CACNA2D1: variants seen among roughly 807,000 people sequenced by gnomAD.
The protein encoded by CACNA2D1 is voltage-dependent calcium channel subunit alpha-2/delta-1.
CACNA2D1 carries 53 observed loss-of-function variants against 171.5 expected under a neutral mutation model. The ratio of observed to expected loss-of-function variants is 0.31; its 90% CI spans 0.25 to 0.39. CACNA2D1 has a LOEUF of 0.39. Among genes scored for constraint, CACNA2D1 ranks in the 10% least tolerant of loss-of-function variants. CACNA2D1 has a pLI of 1.00. For synonymous variants in CACNA2D1, 442 were observed against 443.1 expected (o/e 1.00, Z 0.03); for missense variants, 903 against 1,299.8 (o/e 0.69, Z 4.69).
rs1792175074 is a variant in CACNA2D1, at chr7:81,948,036, T to C, written c.*2356A>G. On this transcript the variant is annotated 3_prime_UTR_variant, in exon 39 of 39. Transcript: ENST00000356860. ...CGCGATTAATACAATAACAATGTAA[T>C]TGATGAAAACATATACTCGACATTA... 1 of 151,808 alleles carries C rather than the reference T, an allele frequency of 6.6e-6. No individual in the cohort carries two copies. The highest frequency in any genetic ancestry group is 2.4e-5 in the African/African-American group (1 of 41,374). 9.4% of individuals were successfully genotyped at this position (151,808 alleles called of 1,614,324 possible).
At chr7:82,046,427 G>C (rs1345284418) in intron 10 of CACNA2D1, among the ~76,000 whole-genome samples, 1 of 151,990 alleles carries the variant, frequency 6.6e-6, no homozygotes, top group African/African-American at 2.4e-5. Flanking sequence ...CGGTTTCCTT[G>C]GTCCATTGTA....
intron 3 of CACNA2D1, among the ~76,000 whole-genome samples, chr7:82,222,713 G>C (rs888619467): frequency 6.6e-6 from 1 of 150,700 alleles, no homozygotes; most frequent in African/African-American, 2.4e-5. Flanking sequence ...CTGAGCTCTT[G>C]AGGGCAGGAA....
At chr7:81,951,401 T>C (rs1792505296) in intron 38 of CACNA2D1, among the ~76,000 whole-genome samples, 1 of 152,034 alleles carries the variant, frequency 6.6e-6, no homozygotes, top group Non-Finnish European at 1.5e-5. Context: ...TTTGGTTACA[T>C]GGATAATTCT....
intron 1 of CACNA2D1, among the ~76,000 whole-genome samples, chr7:82,357,832 G>T (rs1820626778): frequency 6.6e-6 from 1 of 150,486 alleles, no homozygotes; most frequent in South Asian, 2.1e-4. Context: ...TGCACATTGT[G>T]CACATGTACC....
intron 24 of CACNA2D1, among the ~76,000 whole-genome samples, chr7:81,975,636 C>T (rs1445748289): frequency 1.3e-5 from 2 of 152,040 alleles, no homozygotes; most frequent in Non-Finnish European, 2.9e-5. Context: ...ATTCCATATT[C>T]TTTCTTATAC....
At chr7:82,281,052 C>T (rs2129373518) in intron 3 of CACNA2D1, among the ~76,000 whole-genome samples, 1 of 152,250 alleles carries the variant, frequency 6.6e-6, no homozygotes, top group African/African-American at 2.4e-5. Context: ...ACAAGGAAGT[C>T]CAGATGTAAA....
intron 1 of CACNA2D1, among the ~76,000 whole-genome samples, chr7:82,351,311 A>G (rs891066300): frequency 1.3e-5 from 2 of 151,636 alleles, no homozygotes; most frequent in African/African-American, 4.8e-5. Flanking sequence ...AAATTTAAAT[A>G]TAACAAAATA....
chr7:82,321,653 C>G (rs75384875), intron 3 of CACNA2D1, among the ~76,000 whole-genome samples: 3,794 of 152,188 alleles, frequency 0.025, 134 homozygotes, highest in East Asian at 0.094. Flanking sequence ...GCCAAAAACA[C>G]TAAGTTGTGA....
intron 8 of CACNA2D1, among the ~76,000 whole-genome samples, chr7:82,065,625 A>C (rs1201220411): frequency 6.6e-6 from 1 of 152,234 alleles, no homozygotes; most frequent in Non-Finnish European, 1.5e-5. Flanking sequence ...AGTCTTTGGA[A>C]TCAAACATTA....
At chr7:82,227,954 G>A (rs1802530920) in intron 3 of CACNA2D1, among the ~76,000 whole-genome samples, 1 of 152,062 alleles carries the variant, frequency 6.6e-6, no homozygotes, top group Non-Finnish European at 1.5e-5. Flanking sequence ...AACCCCAAGT[G>A]TACATGTACC....
intron 38 of CACNA2D1, among the ~76,000 whole-genome samples, chr7:81,956,674 C>T (rs1793396632): frequency 6.6e-6 from 1 of 152,060 alleles, no homozygotes; most frequent in South Asian, 2.1e-4. Flanking sequence ...ACTCCCCACC[C>T]TCTATCACCC....
At chr7:82,100,944 T>C (rs892296757) in intron 6 of CACNA2D1, among the ~76,000 whole-genome samples, 4 of 152,118 alleles carry the variant, frequency 2.6e-5, no homozygotes, top group African/African-American at 4.8e-5. Context: ...ATTTTGTGGA[T>C]AAACTCTTTG....
At chr7:82,036,101 T>G (rs1408157040) in intron 11 of CACNA2D1, among the ~76,000 whole-genome samples, 1 of 152,134 alleles carries the variant, frequency 6.6e-6, no homozygotes, top group Non-Finnish European at 1.5e-5. Context: ...ATCTACTTAC[T>G]AGTTCAGTTC....
At chr7:82,195,381 C>T (rs1202796867) in intron 3 of CACNA2D1, among the ~76,000 whole-genome samples, 1 of 151,894 alleles carries the variant, frequency 6.6e-6, no homozygotes, top group Non-Finnish European at 1.5e-5. Context: ...ATTCAGGAAT[C>T]ACCTTTGGTG....
chr7:82,268,381 C>A (rs1297521260), intron 3 of CACNA2D1, among the ~76,000 whole-genome samples: 2 of 152,158 alleles, frequency 1.3e-5, no homozygotes, highest in South Asian at 2.1e-4. Context: ...TTTAAAGGTT[C>A]TTTCACAAAA....
At chr7:82,309,818 T>C (rs2129432182) in intron 3 of CACNA2D1, among the ~76,000 whole-genome samples, 1 of 152,250 alleles carries the variant, frequency 6.6e-6, no homozygotes, top group South Asian at 2.1e-4. Context: ...ACCCAGATAG[T>C]CCCTGTTCTT....
chr7:82,131,900 C>A (rs1427630950), intron 5 of CACNA2D1, among the ~76,000 whole-genome samples: 1 of 152,010 alleles, frequency 6.6e-6, no homozygotes, highest in Non-Finnish European at 1.5e-5. Context: ...ACAAAAGATC[C>A]AATTAAATCC....
intron 10 of CACNA2D1, among the ~76,000 whole-genome samples, chr7:82,049,651 G>A (rs1396683184): frequency 6.6e-6 from 1 of 152,152 alleles, no homozygotes; most frequent in Non-Finnish European, 1.5e-5. Context: ...AAATGCAGAT[G>A]TTCTCCTTAG....
intron 1 of CACNA2D1, among the ~76,000 whole-genome samples, chr7:82,402,730 A>AAAG (rs1826574118): frequency 3.6e-5 from 5 of 140,662 alleles, no homozygotes; most frequent in South Asian, 2.2e-4. Flanking sequence ...AAAAAAAAAA[A>AAAG]AAGAAGAAGA....
Sources: allele counts gnomAD v4.1 joint callset (sites outside exome capture counted in the v4.1 genomes callset), GRCh38; gene constraint gnomAD v4.1.1; transcripts MANE v1.5; gene names NCBI Gene and HGNC (gene_info 2026-07-23, HGNC 2026-07-21).